The following RTN1 variants were observed in gnomAD, a reference collection of about 807,000 sequenced individuals.
The protein encoded by RTN1 is reticulon 1.
In RTN1, 25 loss-of-function variants were observed where a neutral mutation model predicts 65.5. The observed-to-expected ratio is 0.38, with a 90% confidence interval of 0.28 to 0.53. RTN1 has a LOEUF of 0.53. Ranked by LOEUF, RTN1 falls within the 20% of genes least tolerant of loss-of-function variation. RTN1 has a pLI of 0.79. For missense variants in RTN1, 983 were observed against 1,025.4 expected (o/e 0.96, Z 0.57); for synonymous variants, 471 against 447.6 (o/e 1.05, Z -0.66).
intron 2 of RTN1, among the ~76,000 whole-genome samples, chr14:59,744,342 G>A (rs116703860): frequency 2.6e-5 from 4 of 152,262 alleles, no homozygotes; most frequent in African/African-American, 7.2e-5. Context: ...TCTTCATCTC[G>A]ATGCCTCATG....
At chr14:59,811,869 T>G (rs1256555582) in intron 1 of RTN1, among the ~76,000 whole-genome samples, 2 of 152,164 alleles carry the variant, frequency 1.3e-5, no homozygotes, top group Admixed American at 1.3e-4. Flanking sequence ...AAGCATTAAC[T>G]GGGTACGTTT....
intron 1 of RTN1, among the ~76,000 whole-genome samples, chr14:59,855,589 T>C (rs1345732907): frequency 6.6e-6 from 1 of 152,204 alleles, no homozygotes; most frequent in Admixed American, 6.5e-5. Context: ...ATGGTGTCGA[T>C]TGTCTTTTGT....
intron 5 of RTN1, 96 bp from the exon 6 acceptor site, chr14:59,604,017 G>A: frequency 1.2e-6 from 1 of 869,306 alleles, no homozygotes; most frequent in Non-Finnish European, 1.9e-6. Context: ...ATTTGAGTCA[G>A]AATACATCAT....
At chr14:59,613,807 A>G (rs942444789) in intron 3 of RTN1, among the ~76,000 whole-genome samples, 11 of 80,654 alleles carry the variant, frequency 1.4e-4, no homozygotes, top group East Asian at 1.4e-3. Flanking sequence ...CCTGTTTTGG[A>G]AAAAAAAAAC....
At chr14:59,670,660 C>G (rs1383256233) in intron 3 of RTN1, among the ~76,000 whole-genome samples, 2 of 152,156 alleles carry the variant, frequency 1.3e-5, no homozygotes, top group Non-Finnish European at 2.9e-5. Context: ...CTATATGTGT[C>G]AGTACCTCCA....
intron 3 of RTN1, among the ~76,000 whole-genome samples, chr14:59,641,634 G>A (rs1243617302): frequency 6.6e-6 from 1 of 152,202 alleles, no homozygotes; most frequent in African/African-American, 2.4e-5. Flanking sequence ...GCCTCCCAAA[G>A]TGCTGGGATT....
intron 1 of RTN1, among the ~76,000 whole-genome samples, chr14:59,824,033 C>T (rs2139632066): frequency 6.6e-6 from 1 of 152,306 alleles, no homozygotes; most frequent in East Asian, 1.9e-4. Flanking sequence ...CCAATTACCT[C>T]CTCTAAGCTT....
chr14:59,763,299 G>A (rs566697109), intron 1 of RTN1, among the ~76,000 whole-genome samples: 20 of 152,232 alleles, frequency 1.3e-4, no homozygotes, highest in South Asian at 4.2e-4. Context: ...CCGAGCTATC[G>A]CATCTATAAG....
intron 1 of RTN1, among the ~76,000 whole-genome samples, chr14:59,804,556 C>G (rs1886603005): frequency 6.6e-6 from 1 of 152,084 alleles, no homozygotes; most frequent in Non-Finnish European, 1.5e-5. Flanking sequence ...TTATAGAATA[C>G]TCACCCATTT....
chr14:59,651,331 C>G (rs941055671), intron 3 of RTN1, among the ~76,000 whole-genome samples: 11 of 152,232 alleles, frequency 7.2e-5, no homozygotes, highest in African/African-American at 2.2e-4. Flanking sequence ...ACTGGCTAGC[C>G]ATATGCAGAA....
intron 1 of RTN1, among the ~76,000 whole-genome samples, chr14:59,819,462 G>C (rs1409886560): frequency 1.0e-5 from 1 of 99,070 alleles, no homozygotes; most frequent in Non-Finnish European, 1.9e-5. Flanking sequence ...GCTAGACACA[G>C]AGTACAATCC....
chr14:59,705,259 A>G (rs906772769), intron 3 of RTN1, among the ~76,000 whole-genome samples: 3 of 152,088 alleles, frequency 2.0e-5, no homozygotes, highest in Non-Finnish European at 2.9e-5. Flanking sequence ...CCCTACCCCA[A>G]CTTTGCAGCT....
intron 3 of RTN1, among the ~76,000 whole-genome samples, chr14:59,680,601 A>G (rs192882685): frequency 6.6e-6 from 1 of 152,324 alleles, no homozygotes; most frequent in Non-Finnish European, 1.5e-5. Context: ...AGCTGATGGA[A>G]GTATACATTT....
At position 59,790,163 on chromosome 14, in the gene RTN1, C is replaced by T. The variant is rs1047474161; in HGVS notation, c.242-43682G>A. ...GAAGAAAGGCTTCAAATAACCAGTC[C>T]AAGTTCAAATAACAGAGTCTAGTCG... On this transcript the variant is annotated intron_variant, in intron 1 of 8. Coordinates refer to ENST00000267484, the MANE Select transcript of RTN1 (RefSeq NM_021136.3). The surrounding 1 kb of genome is among the most constrained non-coding windows in gnomAD (Gnocchi z 4.1). 6.6e-5 allele frequency among the ~76,000 whole-genome samples: 10 copies of T among 151,792 alleles called. No homozygotes were observed. The highest frequency in any genetic ancestry group is 2.2e-4 in the African/African-American group (9 of 41,364).
At chr14:59,631,717 G>A (rs1337878410) in intron 3 of RTN1, among the ~76,000 whole-genome samples, 5 of 152,232 alleles carry the variant, frequency 3.3e-5, no homozygotes, top group African/African-American at 1.2e-4. Context: ...GGACTGGAAT[G>A]TGGGCATTGT....
rs541811715 is a variant in RTN1, at chr14:59,689,954, C to T, written c.1765+36965G>A. On this transcript the variant is annotated intron_variant, in intron 3 of 8. Coordinates refer to ENST00000267484, the MANE Select transcript of RTN1 (RefSeq NM_021136.3). ...ACTTCACAACAGGATCAAAACCTCACATATCAATATTAATCTTGAATGTAA... is the reference window on the plus strand; with the variant it reads ...ACTTCACAACAGGATCAAAACCTCATATATCAATATTAATCTTGAATGTAA... Among the ~76,000 whole-genome samples the T allele has an allele frequency of 2.1e-4, 32 of 151,112 alleles. No individual in the cohort carries two copies. The East Asian group carries it at 4.5e-3, about 21-fold the overall frequency.
rs142760814 is a variant in RTN1, at chr14:59,639,117, G to A, written c.1766-31625C>T. 9.9e-4 allele frequency among the ~76,000 whole-genome samples: 151 copies of A among 152,316 alleles called. 1 individual carries two copies. Among genetic ancestry groups the A allele is most frequent in the African/African-American group, 3.6e-3 (149 of 41,564 alleles). On this transcript the variant is annotated intron_variant, in intron 3 of 8. Transcript: ENST00000267484. Reference sequence around the variant, plus strand: ...AGGGAATAAAGAGACGTGAGAAGAGGAAGAGAGACTAGAGAATGGCCAGTT... The same window carrying A: ...AGGGAATAAAGAGACGTGAGAAGAGAAAGAGAGACTAGAGAATGGCCAGTT...
chr14:59,752,370 CTT>C (rs1885550590), intron 1 of RTN1, among the ~76,000 whole-genome samples: 1 of 151,962 alleles, frequency 6.6e-6, no homozygotes, highest in Non-Finnish European at 1.5e-5. Context: ...TCTGGGGCCA[CTT>C]TTATAAGGTC....
Position 59,672,911 on chromosome 14 carries a change from A to T in RTN1, c.1765+54008T>A, listed in dbSNP as rs985629721. Among the ~76,000 whole-genome samples the T allele has an allele frequency of 3.3e-5, 5 of 152,120 alleles. No homozygotes were observed. In the East Asian group the frequency reaches 9.7e-4, roughly 29 times the overall value. Reference sequence around the variant, plus strand: ...CGCCTCGGCCTCCCAAAGTGCTGGGATTACAGGCGTGAGCCACCGCGCCCG... The same window carrying T: ...CGCCTCGGCCTCCCAAAGTGCTGGGTTTACAGGCGTGAGCCACCGCGCCCG... On this transcript the variant is annotated intron_variant, in intron 3 of 8. Coordinates refer to ENST00000267484, the MANE Select transcript of RTN1 (RefSeq NM_021136.3).
Sources: allele counts gnomAD v4.1 joint callset (sites outside exome capture counted in the v4.1 genomes callset), GRCh38; gene constraint gnomAD v4.1.1; non-coding constraint Gnocchi (gnomAD v3.1); transcripts MANE v1.5; gene names NCBI Gene and HGNC (gene_info 2026-07-23, HGNC 2026-07-21).